RHOU: variants seen among roughly 807,000 people sequenced by gnomAD.
RHOU encodes the protein ras homolog family member U, also known as rho-related GTP-binding protein RhoU.
RHOU carries 8 observed loss-of-function variants against 12.6 expected under a neutral mutation model. That is an observed-to-expected ratio of 0.64 (90% CI 0.37 to 1.15). The LOEUF (loss-of-function observed/expected upper bound fraction) is 1.15. Among genes scored for constraint, RHOU ranks in the 50% most tolerant of loss-of-function variants. The pLI is 0.01. For synonymous variants in RHOU, 161 were observed against 147.4 expected (o/e 1.09, Z -0.67); for missense variants, 258 against 347.0 (o/e 0.74, Z 2.04).
At chr1:228,650,627 C>A in the RHOU span, 3 of 449,338 alleles carry the variant, frequency 6.7e-6, no homozygotes, top group Non-Finnish European at 1.3e-5. Context: ...GGATATGAGA[C>A]CTTCTTCCAG....
chr1:228,726,630 A>G, the RHOU span, among the ~76,000 whole-genome samples: 1 of 151,750 alleles, frequency 6.6e-6, no homozygotes, highest in African/African-American at 2.4e-5. Context: ...GTGCCACTGC[A>G]ATCCAGCCTG....
At chr1:228,683,400 C>T in the RHOU span, among the ~76,000 whole-genome samples, 2 of 152,104 alleles carry the variant, frequency 1.3e-5, no homozygotes, top group Non-Finnish European at 2.9e-5. Flanking sequence ...CCAAATACAT[C>T]GATGGAGCTT....
the RHOU span, among the ~76,000 whole-genome samples, chr1:228,718,411 A>G: frequency 6.6e-6 from 1 of 152,180 alleles, no homozygotes; most frequent in Non-Finnish European, 1.5e-5. Flanking sequence ...CAACAAGTTT[A>G]TGTGAGTTAG....
the RHOU span, among the ~76,000 whole-genome samples, chr1:228,707,273 T>TA: frequency 7.5e-6 from 1 of 133,768 alleles, no homozygotes; most frequent in Non-Finnish European, 1.5e-5. Flanking sequence ...TGTGTGTGTG[T>TA]GTGTGTGTGT....
rs115043448 is a variant in RHOU, at chr1:228,738,506, A to G, written c.321+775A>G. Among the ~76,000 whole-genome samples, 1,072 of 152,278 alleles carry G rather than the reference A, an allele frequency of 7.0e-3. 6 individuals are homozygous for G. Among genetic ancestry groups the G allele is most frequent in the Non-Finnish European group, 6.7e-3 (455 of 68,018 alleles). ...TGAACTTGTCTCTCTAGTATGTTCT[A>G]GAGTTCAGCAAAGTTCCGGGGGTAC... On this transcript the variant is annotated intron_variant, in intron 2 of 2. Coordinates refer to ENST00000366691, the MANE Select transcript of RHOU (RefSeq NM_021205.6). This position sits in a 1 kb window ranked among gnomAD's most constrained non-coding sequence, Gnocchi z 4.2.
chr1:228,647,308 C>A, the RHOU span, among the ~76,000 whole-genome samples: 2 of 152,182 alleles, frequency 1.3e-5, no homozygotes, highest in African/African-American at 4.8e-5. Flanking sequence ...GCTCTTGGTG[C>A]GGTGCAGTGG....
At chr1:228,694,474 T>C in the RHOU span, among the ~76,000 whole-genome samples, 1 of 152,132 alleles carries the variant, frequency 6.6e-6, no homozygotes, top group Non-Finnish European at 1.5e-5. Context: ...CCTGATGCTC[T>C]CCCTCCCCTC....
rs1008691553 is a variant in RHOU at position 228,746,217 on chromosome 1, C to T, written c.*2477C>T. On this transcript the variant is annotated 3_prime_UTR_variant, in exon 3 of 3. Transcript: ENST00000366691. Reference sequence around the variant, plus strand: ...TTCTTCGTGAACATAGAGTTTGGGGCCGAAAATGTTTTTAAAGTATGTGTT... The same window carrying T: ...TTCTTCGTGAACATAGAGTTTGGGGTCGAAAATGTTTTTAAAGTATGTGTT... 2 of 152,070 alleles carry T rather than the reference C, an allele frequency of 1.3e-5. No homozygotes were observed. Among genetic ancestry groups the T allele is most frequent in the Admixed American group, 6.5e-5 (1 of 15,270 alleles). 9.4% of individuals were successfully genotyped at this position (152,070 alleles called of 1,614,324 possible). A position where few individuals can be genotyped will look rare whatever the true frequency, so the allele number is the denominator to read the frequency against.
chr1:228,662,839 A>G, the RHOU span, among the ~76,000 whole-genome samples: 298 of 152,328 alleles, frequency 2.0e-3, 1 homozygote, highest in Middle Eastern at 0.01. Flanking sequence ...AAGAGAGAAC[A>G]AGACAAAATG....
chr1:228,705,585 G>T, the RHOU span, among the ~76,000 whole-genome samples: 1 of 152,140 alleles, frequency 6.6e-6, no homozygotes, highest in South Asian at 2.1e-4. Context: ...CTCACAGCTG[G>T]AGTTCACACT....
the RHOU span, among the ~76,000 whole-genome samples, chr1:228,690,787 T>C: frequency 6.6e-6 from 1 of 152,054 alleles, no homozygotes; most frequent in East Asian, 1.9e-4. Context: ...CTGGCTAATT[T>C]TTTTACTTTT....
the RHOU span, chr1:228,652,584 C>T: frequency 2.0e-5 from 3 of 152,228 alleles, no homozygotes; most frequent in East Asian, 5.8e-4. Context: ...AATCAGCAGA[C>T]CACATAAACA....
In RHOU at chr1:228,735,825, G is replaced by A; in HGVS notation, c.83G>A (p.Arg28His). 1 of 1,228,602 alleles carries A rather than the reference G, an allele frequency of 8.1e-7. No individual in the cohort carries two copies. Among genetic ancestry groups the A allele is most frequent in the Non-Finnish European group, 1.0e-6 (1 of 986,786 alleles). The allele number at this position is 1,228,602 out of a possible 1,614,324, so 76.1% of individuals were successfully genotyped here. ...CCGCCGCGTCGGGAGCGCGGTGGACGCGGGGGACGCGGGCCTGGGGAGCCG... is the reference window on the plus strand; with the variant it reads ...CCGCCGCGTCGGGAGCGCGGTGGACACGGGGGACGCGGGCCTGGGGAGCCG... ...PVPPRRERGG[R>H]GGRGPGEPGG... The change falls in exon 1 of 3, where the codon CGC becomes CAC. Residue 28 changes from arginine (R) to histidine (H), a missense_variant. Transcript: ENST00000366691. The surrounding 1 kb of genome is among the most constrained non-coding windows in gnomAD (Gnocchi z 8.1).
At chr1:228,711,898 A>G in the RHOU span, among the ~76,000 whole-genome samples, 2 of 142,228 alleles carry the variant, frequency 1.4e-5, no homozygotes, top group Non-Finnish European at 3.1e-5. Flanking sequence ...GAAAATTTTC[A>G]CAACCTACTC....
chr1:228,685,519 A>G, the RHOU span, among the ~76,000 whole-genome samples: 1 of 152,254 alleles, frequency 6.6e-6, no homozygotes, highest in African/African-American at 2.4e-5. Context: ...ATGGAGCACC[A>G]TTCTCTGGAT....
At chr1:228,731,246 T>G (rs57062181), upstream of RHOU, among the ~76,000 whole-genome samples, 9,223 of 152,184 alleles carry the variant, frequency 0.061, 722 homozygotes, top group African/African-American at 0.19. Flanking sequence ...CACAAATATA[T>G]CCACATAAGG....
At chr1:228,675,510 T>G in the RHOU span, among the ~76,000 whole-genome samples, 37 of 152,218 alleles carry the variant, frequency 2.4e-4, no homozygotes, top group Non-Finnish European at 4.1e-4. Context: ...TTTTCAATCC[T>G]CAGGCAAAGT....
the RHOU span, among the ~76,000 whole-genome samples, chr1:228,659,508 T>C: frequency 6.7e-6 from 1 of 149,948 alleles, no homozygotes; most frequent in South Asian, 2.1e-4. Flanking sequence ...ATAAAGATTA[T>C]TTCAGAAATA....
the RHOU span, among the ~76,000 whole-genome samples, chr1:228,679,480 A>G: frequency 6.6e-6 from 1 of 150,802 alleles, no homozygotes; most frequent in Non-Finnish European, 1.5e-5. Context: ...GAACAGAATA[A>G]TGGGTTGTGG....
Sources: allele counts gnomAD v4.1 joint callset (sites outside exome capture counted in the v4.1 genomes callset), GRCh38; gene constraint gnomAD v4.1.1; non-coding constraint Gnocchi (gnomAD v3.1); transcripts MANE v1.5; gene names NCBI Gene and HGNC (gene_info 2026-07-23, HGNC 2026-07-21).